Variants in LVRN observed in about 807,000 individuals in gnomAD.
LVRN encodes the protein laeverin.
Under a neutral mutation model 111.4 loss-of-function variants are expected in LVRN, and 99 were observed. The ratio of observed to expected loss-of-function variants is 0.89; its 90% CI spans 0.76 to 1.05. The LOEUF is 1.05. Ranked by LOEUF, LVRN falls within the 50% of genes least tolerant of loss-of-function variation. The probability of loss-of-function intolerance (pLI) is 0.00; values close to 1 mark genes in which losing one functional copy is unlikely to be tolerated. For missense variants in LVRN, 1,414 were observed against 1,206.8 expected (o/e 1.17, Z -2.54); for synonymous variants, 488 against 449.5 (o/e 1.09, Z -1.08).
Position 116,006,155 on chromosome 5 carries a change from A to C in LVRN, c.2093+188A>C, listed in dbSNP as rs186771704. ...AGTTGCTGGAAATAAAAAGACTACC[A>C]ACTAAGATGTGGCAGTGATTTCTGT... On this transcript the variant is annotated intron_variant, in intron 13 of 19. Coordinates refer to ENST00000357872, the MANE Select transcript of LVRN (RefSeq NM_173800.5). Among the ~76,000 whole-genome samples the C allele has an allele frequency of 9.8e-4, 150 of 152,300 alleles. 2 individuals are homozygous for C. Among genetic ancestry groups the C allele is most frequent in the Middle Eastern group, 3.4e-3 (1 of 294 alleles).
At chr5:116,005,396 C>A (rs992739678) in intron 12 of LVRN, among the ~76,000 whole-genome samples, 8 of 152,134 alleles carry the variant, frequency 5.3e-5, no homozygotes, top group Non-Finnish European at 7.3e-5. Context: ...GGCAATTGGC[C>A]CCTGCCATTC....
chr5:115,996,844 G>T (rs1748123843), intron 6 of LVRN, among the ~76,000 whole-genome samples: 1 of 152,120 alleles, frequency 6.6e-6, no homozygotes, highest in South Asian at 2.1e-4. Context: ...TACTATGATG[G>T]TAAGCTGAGG....
chr5:116,021,986 A>T (rs943307299), intron 18 of LVRN, among the ~76,000 whole-genome samples: 1 of 152,118 alleles, frequency 6.6e-6, no homozygotes, highest in Admixed American at 6.5e-5. Flanking sequence ...TTTTAAATAC[A>T]CGTTCAGGGG....
chr5:115,966,794 G>C (rs1753212670), intron 1 of LVRN, among the ~76,000 whole-genome samples: 1 of 152,188 alleles, frequency 6.6e-6, no homozygotes, highest in African/African-American at 2.4e-5. Flanking sequence ...GATGTTCTCT[G>C]TATCATGGCC....
At chr5:115,964,061 C>G (rs1326944417) in intron 1 of LVRN, among the ~76,000 whole-genome samples, 1 of 152,212 alleles carries the variant, frequency 6.6e-6, no homozygotes, top group Non-Finnish European at 1.5e-5. Flanking sequence ...ATCTCCTACA[C>G]GGAATGTTTC....
intron 1 of LVRN, among the ~76,000 whole-genome samples, chr5:115,970,082 C>G (rs1753290359): frequency 6.6e-6 from 1 of 151,984 alleles, no homozygotes; most frequent in Non-Finnish European, 1.5e-5. Flanking sequence ...AACTGACATA[C>G]AATATACTGC....
intron 4 of LVRN, among the ~76,000 whole-genome samples, chr5:115,988,451 A>G (rs192271966): frequency 2.0e-5 from 3 of 152,318 alleles, no homozygotes; most frequent in Admixed American, 1.3e-4. Flanking sequence ...ATGATCCTTA[A>G]GGAAATATGT....
Position 115,962,853 on chromosome 5 carries a change from C to A in LVRN, c.236C>A (p.Ala79Glu), listed in dbSNP as rs558163901. ...AAACCCAGCAGTGCACGCGAGCTAGCGGTGACGACCACCCCGAGCAACTGG... is the reference window on the plus strand; with the variant it reads ...AAACCCAGCAGTGCACGCGAGCTAGAGGTGACGACCACCCCGAGCAACTGG... Reference protein sequence around the residue: ...TPKPSSARELAVTTTPSNWRP... With the variant: ...TPKPSSARELEVTTTPSNWRP... Residue 79 changes from alanine (A) to glutamate (E), a missense_variant, in exon 1 of 20, where the codon GCG becomes GAG. Coordinates refer to ENST00000357872, the MANE Select transcript of LVRN (RefSeq NM_173800.5). 6 of 1,613,142 alleles carry A rather than the reference C, an allele frequency of 3.7e-6. No individual in the cohort carries two copies. The highest frequency in any genetic ancestry group is 4.2e-6 in the Non-Finnish European group (5 of 1,179,796).
intron 1 of LVRN, chr5:115,975,330 G>C (rs566157924): frequency 3.4e-6 from 1 of 293,596 alleles, no homozygotes; most frequent in South Asian, 4.0e-5. Flanking sequence ...CCAGTCTTTT[G>C]GGAGTTGCCA....
At position 115,963,319 on chromosome 5, in the gene LVRN, G is replaced by T; in HGVS notation, c.695+7G>T. ...CCGACCAGGGCGAGCGCAGGTAAGG[G>T]CTGTACAGCCCGGGGCCCCTCTCGG... On this transcript the variant is annotated splice_region_variant and intron_variant, in intron 1 of 19. Transcript: ENST00000357872. The T allele has an allele frequency of 6.3e-7, 1 of 1,591,320 alleles. No homozygotes were observed. Among genetic ancestry groups the T allele is most frequent in the Admixed American group, 1.7e-5 (1 of 58,148 alleles).
intron 2 of LVRN, among the ~76,000 whole-genome samples, chr5:115,984,171 G>C (rs1231039830): frequency 2.0e-5 from 3 of 152,138 alleles, no homozygotes; most frequent in Non-Finnish European, 2.9e-5. Flanking sequence ...TAAAGTCTTA[G>C]TTTGAAACCT....
In LVRN at chr5:116,022,474, C is replaced by T; in HGVS notation, c.2832+8C>T. 1 of 1,509,132 alleles carries T rather than the reference C, an allele frequency of 6.6e-7. No individual in the cohort carries two copies. Among genetic ancestry groups the T allele is most frequent in the Non-Finnish European group, 9.0e-7 (1 of 1,106,806 alleles). 93.5% of individuals were successfully genotyped at this position (1,509,132 alleles called of 1,614,324 possible). A position where few individuals can be genotyped will look rare whatever the true frequency, so the allele number is the denominator to read the frequency against. On this transcript the variant is annotated splice_region_variant and intron_variant, in intron 19 of 19. Transcript: ENST00000357872. The stretch of plus-strand genomic sequence containing the variant: ...GATTTACAGATTGTGGAGGTAAGTA[C>T]TTTAAATATTATGAAATACAATGAT...
At chr5:115,974,351 G>A (rs147838076) in intron 1 of LVRN, among the ~76,000 whole-genome samples, 33 of 152,264 alleles carry the variant, frequency 2.2e-4, no homozygotes, top group African/African-American at 5.5e-4. Context: ...TAGTAAAAGC[G>A]TAACACCTAA....
chr5:115,963,345 C>T (rs765510580), intron 1 of LVRN, 33 bp downstream of exon 1: 3 of 1,512,040 alleles, frequency 2.0e-6, no homozygotes, highest in Non-Finnish European at 2.7e-6. Flanking sequence ...CCCCTCTCGG[C>T]CCCCGCCCCT....
At chr5:115,977,441 A>G (rs1163712491) in intron 1 of LVRN, among the ~76,000 whole-genome samples, 3 of 152,152 alleles carry the variant, frequency 2.0e-5, no homozygotes, top group East Asian at 3.8e-4. Context: ...TATGTCTGAA[A>G]TAGTTGTTTT....
chr5:116,013,281 A>C (rs1414751101), intron 15 of LVRN, among the ~76,000 whole-genome samples: 1 of 152,214 alleles, frequency 6.6e-6, no homozygotes. Context: ...AAGGACATAA[A>C]ATGTAATGCA....
chr5:116,026,033 C>A lies in LVRN; in HGVS notation c.2888C>A (p.Ala963Asp), dbSNP rs1275137715. 1 of 1,613,846 alleles carries A rather than the reference C, an allele frequency of 6.2e-7. No individual in the cohort carries two copies. Among genetic ancestry groups the A allele is most frequent in the Non-Finnish European group, 8.5e-7 (1 of 1,179,848 alleles). ...GAACACCAGAGGATCAGAGTTCATG[C>A]CAACTTACAGACAATAAAGAATGAA... ...LEEHQRIRVH[A>D]NLQTIKNENL... Residue 963 changes from alanine to aspartate, a missense_variant, in exon 20 of 20, where the codon GCC becomes GAC. Transcript: ENST00000357872.
intron 1 of LVRN, among the ~76,000 whole-genome samples, chr5:115,978,745 T>C (rs1354502890): frequency 6.6e-6 from 1 of 152,164 alleles, no homozygotes; most frequent in African/African-American, 2.4e-5. Context: ...TCTTCTTTTC[T>C]TTACCTCACG....
chr5:116,000,594 C>G lies in LVRN; in HGVS notation c.1583C>G (p.Ser528Ter). The G allele has an allele frequency of 1.2e-6, 2 of 1,613,844 alleles. No homozygotes were observed. Among genetic ancestry groups the G allele is most frequent in the Non-Finnish European group, 1.7e-6 (2 of 1,179,820 alleles). ...ACCTTAACTTTTCTATTTTTACAGT[C>G]ATATTTGAAGACATTTTCCTACTCA... ...NEHLFVSALK[S>*]YLKTFSYSNA... Residue 528 changes from serine to a stop codon, truncating the protein, a stop_gained and splice_region_variant, in exon 9 of 20, where the codon TCA becomes TGA. Coordinates refer to ENST00000357872, the MANE Select transcript of LVRN (RefSeq NM_173800.5). LOFTEE classifies it high-confidence loss of function.
Sources: gnomAD v4.1 joint callset for allele counts (sites outside exome capture counted in the v4.1 genomes callset) on GRCh38, gnomAD v4.1.1 for gene constraint, MANE v1.5 for transcripts, NCBI Gene and HGNC (gene_info 2026-07-23, HGNC 2026-07-21) for gene names.